The following PAX7 variants were observed in gnomAD, a reference collection of about 807,000 sequenced individuals.
PAX7 encodes paired box 7.
PAX7 carries 18 observed loss-of-function variants against 50.7 expected under a neutral mutation model. That is an observed-to-expected ratio of 0.36 (90% CI 0.25 to 0.53). The LOEUF (loss-of-function observed/expected upper bound fraction) is 0.53, where lower values mean the gene tolerates loss of function less well. PAX7 is among the 20% of genes least tolerant of loss of function. The pLI is 0.93. For synonymous variants in PAX7, 310 were observed against 290.4 expected (o/e 1.07, Z -0.69); for missense variants, 644 against 702.9 (o/e 0.92, Z 0.95).
rs148641282 is a variant in PAX7 at position 18,691,908 on chromosome 1, C to G, written c.741C>G (p.Arg247=). ...ERTHYPDIYT[R]EELAQRTKLT... is the part of the protein sequence containing the mutation. Reference sequence around the variant, plus strand: ...CCCACTACCCAGACATATACACCCGCGAGGAGCTGGCGCAGAGGACCAAGC... The same window carrying G: ...CCCACTACCCAGACATATACACCCGGGAGGAGCTGGCGCAGAGGACCAAGC... Residue 247 remains arginine, a synonymous_variant, in exon 5 of 9, where the codon CGC becomes CGG. Coordinates refer to ENST00000420770, the MANE Select transcript of PAX7 (RefSeq NM_001135254.2). 3.1e-6 allele frequency: 5 copies of G among 1,613,974 alleles called. No homozygotes were observed. The African/African-American group carries it at 6.7e-5, about 22-fold the overall frequency.
intron 4 of PAX7, among the ~76,000 whole-genome samples, chr1:18,641,245 A>G (rs2088248763): frequency 6.6e-6 from 1 of 152,248 alleles, no homozygotes; most frequent in Non-Finnish European, 1.5e-5. Context: ...GACATTTAGA[A>G]AACAAACTTT....
chr1:18,676,122 T>G (rs1249711402), intron 4 of PAX7, among the ~76,000 whole-genome samples: 1 of 152,230 alleles, frequency 6.6e-6, no homozygotes, highest in Non-Finnish European at 1.5e-5. Context: ...AAAATCACCA[T>G]TAGAGTACGC....
chr1:18,716,849 TTG>T (rs2089430348), intron 7 of PAX7, among the ~76,000 whole-genome samples: 1 of 100,020 alleles, frequency 1.0e-5, no homozygotes. Context: ...CGCGCCCCCC[TTG>T]CCCTTGCCCT....
chr1:18,643,989 C>T (rs2088300874), intron 4 of PAX7, among the ~76,000 whole-genome samples: 2 of 152,236 alleles, frequency 1.3e-5, no homozygotes, highest in South Asian at 4.1e-4. Context: ...ACAGGCCGGC[C>T]CGGGCTTCAC....
chr1:18,686,899 A>ATTTT (rs66970112), intron 4 of PAX7, among the ~76,000 whole-genome samples: 1 of 149,136 alleles, frequency 6.7e-6, no homozygotes, highest in Non-Finnish European at 1.5e-5. Context: ...TATTATTATT[A>ATTTT]TTATTTTTTG....
Position 18,692,596 on chromosome 1 carries a change from G to T in PAX7, c.786+643G>T, listed in dbSNP as rs1570178739. Among the ~76,000 whole-genome samples, 3 of 152,328 alleles carry T rather than the reference G, an allele frequency of 2.0e-5. No homozygotes were observed. In the South Asian group the frequency reaches 6.2e-4, roughly 32 times the overall value. On this transcript the variant is annotated intron_variant, in intron 5 of 8. Coordinates refer to ENST00000420770, the MANE Select transcript of PAX7 (RefSeq NM_001135254.2). ...AGGGAGGGCATTAGTTCAGCCAGAA[G>T]AGAGGGTTTGGGGAGTATAAGAATC...
At chr1:18,633,587 C>T (rs2088094025) in intron 1 of PAX7, among the ~76,000 whole-genome samples, 1 of 152,130 alleles carries the variant, frequency 6.6e-6, no homozygotes, top group African/African-American at 2.4e-5. Flanking sequence ...AAAATTGTCC[C>T]AAAACGAAAT....
Position 18,746,856 on chromosome 1 carries a change from G to A in PAX7, c.*1927G>A, listed in dbSNP as rs1418060505. ...CAAGCCTGTTCTGGACCATGACCAG[G>A]CTGGCTCATATCTCTGGTTTAGAGA... On this transcript the variant is annotated 3_prime_UTR_variant, in exon 9 of 9. Transcript: ENST00000420770. 19 of 231,368 alleles carry A rather than the reference G, an allele frequency of 8.2e-5. No homozygotes were observed. The Admixed American group carries it at 9.6e-4, about 12-fold the overall frequency. The allele number at this position is 231,368 out of a possible 1,614,324, so 14.3% of individuals were successfully genotyped here.
chr1:18,719,403 G>C (rs1398764645), intron 7 of PAX7, among the ~76,000 whole-genome samples: 2 of 152,204 alleles, frequency 1.3e-5, no homozygotes, highest in Non-Finnish European at 2.9e-5. Context: ...GTGAGGGCTG[G>C]GGCTTTGGGG....
At chr1:18,662,416 GTTCATTCATTCA>G (rs534267038) in intron 4 of PAX7, among the ~76,000 whole-genome samples, 3 of 151,900 alleles carry the variant, frequency 2.0e-5, no homozygotes, top group Non-Finnish European at 2.9e-5. Context: ...TCCTTCTTTA[GTTCATTCATTCA>G]TTCATTCATT....
chr1:18,656,216 G>C (rs781020599), intron 4 of PAX7, among the ~76,000 whole-genome samples: 1 of 152,170 alleles, frequency 6.6e-6, no homozygotes, highest in Admixed American at 6.5e-5. Context: ...AGGCAAGTCC[G>C]GGCGCAGTGG....
intron 7 of PAX7, among the ~76,000 whole-genome samples, chr1:18,716,146 A>G (rs968981108): frequency 6.6e-6 from 1 of 152,144 alleles, no homozygotes; most frequent in African/African-American, 2.4e-5. Flanking sequence ...CTTGGCCACC[A>G]GGGGAGTTCT....
At chr1:18,725,738 C>A (rs1323251758) in intron 7 of PAX7, among the ~76,000 whole-genome samples, 1 of 152,194 alleles carries the variant, frequency 6.6e-6, no homozygotes, top group Non-Finnish European at 1.5e-5. Context: ...CACTCTAATC[C>A]CTCGTCCACC....
intron 4 of PAX7, among the ~76,000 whole-genome samples, chr1:18,680,477 A>C (rs868131483): frequency 1.3e-5 from 2 of 151,738 alleles, no homozygotes; most frequent in African/African-American, 4.8e-5. Flanking sequence ...AGTTTTCCTC[A>C]CCTCCCCTCC....
intron 4 of PAX7, among the ~76,000 whole-genome samples, chr1:18,671,600 T>A (rs532397096): frequency 6.6e-6 from 1 of 152,086 alleles, no homozygotes; most frequent in South Asian, 2.1e-4. Flanking sequence ...CTCGGAGGGC[T>A]CAGCAGGCCT....
In PAX7 at chr1:18,700,585, A is replaced by G. The variant is rs2089206065; in HGVS notation, c.787-68A>G. ...GGTGATGGCTTGGGCAACTGGGTCT[A>G]CATGTGTTGCAGCTCTCTGCCAGGA... On this transcript the variant is annotated intron_variant, in intron 5 of 8. Coordinates refer to ENST00000420770, the MANE Select transcript of PAX7 (RefSeq NM_001135254.2). The surrounding 1 kb of genome is among the most constrained non-coding windows in gnomAD (Gnocchi z 4.8). The G allele has an allele frequency of 1.4e-6, 2 of 1,400,798 alleles. No individual in the cohort carries two copies. Among genetic ancestry groups the G allele is most frequent in the East Asian group, 2.7e-5 (1 of 37,524 alleles). The allele number at this position is 1,400,798 out of a possible 1,614,324, so 86.8% of individuals were successfully genotyped here.
In PAX7 at chr1:18,745,146, T is replaced by G; in HGVS notation, c.*217T>G. 1 of 568,234 alleles carries G rather than the reference T, an allele frequency of 1.8e-6. No individual in the cohort carries two copies. Among genetic ancestry groups the G allele is most frequent in the Non-Finnish European group, 3.1e-6 (1 of 318,090 alleles). The allele number at this position is 568,234 out of a possible 1,614,324, so 35.2% of individuals were successfully genotyped here. On this transcript the variant is annotated 3_prime_UTR_variant, in exon 9 of 9. Coordinates refer to ENST00000420770, the MANE Select transcript of PAX7 (RefSeq NM_001135254.2). ...ATGCCCTTGGAGTCTGCTCCCCACT[T>G]TCCCCAAGGAGGGTTTCTGGTCAGC...
chr1:18,735,635 A>T lies in PAX7; in HGVS notation c.1159A>T (p.Met387Leu). 1 of 1,611,152 alleles carries T rather than the reference A, an allele frequency of 6.2e-7. No individual in the cohort carries two copies. The highest frequency in any genetic ancestry group is 1.7e-5 in the Admixed American group (1 of 59,912). The change falls in exon 8 of 9, where the codon ATG (methionine) becomes TTG (leucine). Residue 387 changes from methionine to leucine, a missense_variant. By Grantham distance (15) the Met-to-Leu change is conservative. Coordinates refer to ENST00000420770, the MANE Select transcript of PAX7 (RefSeq NM_001135254.2). The surrounding 1 kb of genome is among the most constrained non-coding windows in gnomAD (Gnocchi z 4.0). ...PVSNGLSPQV[M>L]SILGNPSAVP... The stretch of plus-strand genomic sequence containing the variant: ...ACTAATGGCCTTTTCCCCACAGGTG[A>T]TGAGCATCTTGGGCAACCCCAGTGC...
chr1:18,722,555 C>T (rs540777450), intron 7 of PAX7, among the ~76,000 whole-genome samples: 23 of 151,996 alleles, frequency 1.5e-4, no homozygotes, highest in African/African-American at 3.1e-4. Flanking sequence ...AGGTGTGGGA[C>T]GCGGGGGGCT....
Sources: gnomAD v4.1 joint callset for allele counts (sites outside exome capture counted in the v4.1 genomes callset) on GRCh38, gnomAD v4.1.1 for gene constraint, Gnocchi (gnomAD v3.1) non-coding constraint, MANE v1.5 for transcripts, NCBI Gene and HGNC (gene_info 2026-07-23, HGNC 2026-07-21) for gene names.